The following CRPPA variants were observed in gnomAD, a reference collection of about 807,000 sequenced individuals.
CRPPA encodes the protein D-ribitol-5-phosphate cytidylyltransferase.
CRPPA carries 43 observed loss-of-function variants against 52.0 expected under a neutral mutation model. The ratio of observed to expected loss-of-function variants is 0.83; its 90% CI spans 0.65 to 1.07. CRPPA has a LOEUF of 1.07. Among genes scored for constraint, CRPPA ranks in the 50% least tolerant of loss-of-function variants. The pLI, the probability that CRPPA is intolerant of heterozygous loss-of-function variation, is 0.00. For synonymous variants in CRPPA, 250 were observed against 203.5 expected (o/e 1.23, Z -1.94); for missense variants, 629 against 551.7 (o/e 1.14, Z -1.40).
intron 4 of CRPPA, among the ~76,000 whole-genome samples, chr7:16,303,491 A>AAAAAAAAAAC (rs1554317848): frequency 0.13 from 15,769 of 124,724 alleles, 2,064 homozygotes; most frequent in Non-Finnish European, 0.21. Flanking sequence ...AAAAAAAAAA[A>AAAAAAAAAAC]AAAAAAAAAA....
chr7:16,216,814 C>T (rs1782334271), intron 8 of CRPPA, among the ~76,000 whole-genome samples: 1 of 152,196 alleles, frequency 6.6e-6, no homozygotes, highest in Admixed American at 6.5e-5. Context: ...TCACTGATTG[C>T]TAGCACAGCA....
chr7:16,398,143 C>T (rs1305715760), intron 2 of CRPPA, among the ~76,000 whole-genome samples: 1 of 152,060 alleles, frequency 6.6e-6, no homozygotes, highest in Non-Finnish European at 1.5e-5. Flanking sequence ...TTGACTGACA[C>T]ATGACATGTG....
chr7:16,218,680 C>A (rs1309909289), intron 8 of CRPPA, among the ~76,000 whole-genome samples: 1 of 102,008 alleles, frequency 9.8e-6, no homozygotes, highest in East Asian at 2.7e-4. Context: ...CAACAAAGAT[C>A]AAAAGAGACA....
At chr7:16,244,646 TTCTTGTA>T (rs1783218229) in intron 8 of CRPPA, among the ~76,000 whole-genome samples, 1 of 152,212 alleles carries the variant, frequency 6.6e-6, no homozygotes, top group South Asian at 2.1e-4. Flanking sequence ...TAAATATCTG[TTCTTGTA>T]GAGTAAAAAG....
intron 9 of CRPPA, among the ~76,000 whole-genome samples, chr7:16,131,184 A>G (rs1001311466): frequency 1.3e-5 from 2 of 152,216 alleles, no homozygotes; most frequent in African/African-American, 4.8e-5. Flanking sequence ...AAAAAAGTGG[A>G]AGAGACTTTG....
chr7:16,362,741 A>C (rs1224720369), intron 3 of CRPPA, among the ~76,000 whole-genome samples: 2 of 152,212 alleles, frequency 1.3e-5, no homozygotes, highest in African/African-American at 4.8e-5. Context: ...AGTTTAAGAA[A>C]TTAGCAGCTT....
chr7:16,383,305 C>T (rs564851290), intron 2 of CRPPA, among the ~76,000 whole-genome samples: 165 of 152,286 alleles, frequency 1.1e-3, no homozygotes, highest in African/African-American at 3.6e-3. Context: ...TGCAGAACAG[C>T]GGATTTTCAT....
intron 5 of CRPPA, among the ~76,000 whole-genome samples, chr7:16,301,084 G>A (rs796454507): frequency 2.0e-5 from 3 of 152,256 alleles, no homozygotes; most frequent in African/African-American, 7.2e-5. Flanking sequence ...AGGGGAGAGG[G>A]CAGTCCTCTT....
At chr7:16,281,364 G>A (rs980485488) in intron 5 of CRPPA, among the ~76,000 whole-genome samples, 1 of 152,112 alleles carries the variant, frequency 6.6e-6, no homozygotes. Context: ...AATACATTTT[G>A]ATACAGACCT....
At chr7:16,392,679 C>T (rs1034710084) in intron 2 of CRPPA, among the ~76,000 whole-genome samples, 15 of 152,134 alleles carry the variant, frequency 9.9e-5, no homozygotes, top group Non-Finnish European at 1.6e-4. Context: ...TAATAAATTG[C>T]TTTTGATATT....
At chr7:16,256,149 T>C (rs1197562063) in intron 8 of CRPPA, among the ~76,000 whole-genome samples, 1 of 152,174 alleles carries the variant, frequency 6.6e-6, no homozygotes, top group Non-Finnish European at 1.5e-5. Context: ...AACAGACAGT[T>C]CTCAAAAGAA....
At chr7:16,250,169 A>G (rs992922130) in intron 8 of CRPPA, among the ~76,000 whole-genome samples, 4 of 152,238 alleles carry the variant, frequency 2.6e-5, no homozygotes, top group Non-Finnish European at 5.9e-5. Flanking sequence ...AGACAAGATT[A>G]GAGAAAACAG....
chr7:16,240,656 T>C (rs1783080079), intron 8 of CRPPA, among the ~76,000 whole-genome samples: 1 of 151,710 alleles, frequency 6.6e-6, no homozygotes, highest in African/African-American at 2.4e-5. Flanking sequence ...CTGAAACAGA[T>C]AATAAAAAGT....
intron 9 of CRPPA, among the ~76,000 whole-genome samples, chr7:16,121,642 T>C (rs1782482992): frequency 6.6e-6 from 1 of 151,980 alleles, no homozygotes; most frequent in African/African-American, 2.4e-5. Context: ...ATAAAGCAAA[T>C]ATTTATTGAG....
intron 3 of CRPPA, among the ~76,000 whole-genome samples, chr7:16,314,541 T>C (rs1211733225): frequency 6.6e-6 from 1 of 152,064 alleles, no homozygotes; most frequent in Non-Finnish European, 1.5e-5. Flanking sequence ...TAGATCCATG[T>C]TTCTGACCTA....
chr7:16,294,675 A>AGT (rs1784634914), intron 5 of CRPPA, among the ~76,000 whole-genome samples: 1 of 152,004 alleles, frequency 6.6e-6, no homozygotes. Context: ...CGGAAAATTA[A>AGT]GTGTCATACT....
At chr7:16,234,557 A>G (rs1782889890) in intron 8 of CRPPA, among the ~76,000 whole-genome samples, 1 of 152,148 alleles carries the variant, frequency 6.6e-6, no homozygotes, top group Non-Finnish European at 1.5e-5. Flanking sequence ...ATAAAAACTC[A>G]CAACTACTAT....
chr7:16,122,473 T>A (rs771850085), intron 9 of CRPPA, among the ~76,000 whole-genome samples: 2 of 152,046 alleles, frequency 1.3e-5, no homozygotes, highest in Non-Finnish European at 2.9e-5. Flanking sequence ...AAAGTCAACA[T>A]GTTCATAGGA....
chr7:16,405,134 T>A (rs967445118), intron 2 of CRPPA, among the ~76,000 whole-genome samples: 47 of 151,798 alleles, frequency 3.1e-4, no homozygotes, highest in Non-Finnish European at 8.8e-5. Flanking sequence ...GGCACCCAGA[T>A]GGCTAGGAAG....
Sources: allele counts gnomAD v4.1 joint callset (sites outside exome capture counted in the v4.1 genomes callset), GRCh38; gene constraint gnomAD v4.1.1; transcripts MANE v1.5; gene names NCBI Gene and HGNC (gene_info 2026-07-23, HGNC 2026-07-21).